The following MAP3K3 variants were observed in gnomAD, a reference collection of about 807,000 sequenced individuals.
MAP3K3 encodes the protein mitogen-activated protein kinase kinase kinase 3.
MAP3K3 carries 12 observed loss-of-function variants against 80.9 expected under a neutral mutation model. The ratio of observed to expected loss-of-function variants is 0.15; its 90% CI spans 0.10 to 0.24. The LOEUF is 0.24. Among genes scored for constraint, MAP3K3 ranks in the 10% least tolerant of loss-of-function variants. The pLI is 1.00. For synonymous variants in MAP3K3, 272 were observed against 307.1 expected, an observed-to-expected ratio of 0.89 and a Z score of 1.19; for missense variants, 596 against 834.7, an observed-to-expected ratio of 0.71 and a Z score of 3.52.
Position 63,657,897 on chromosome 17 carries a change from A to G in MAP3K3, c.371A>G (p.Asp124Gly). 1 of 1,584,520 alleles carries G rather than the reference A, an allele frequency of 6.3e-7. No individual in the cohort carries two copies. The highest frequency in any genetic ancestry group is 8.6e-7 in the Non-Finnish European group (1 of 1,156,960). The change falls in exon 5 of 16, where the codon GAC becomes GGC. Residue 124 changes from aspartate to glycine, a missense_variant. Physicochemically the swap from Asp to Gly is moderately conservative, Grantham distance 94. Coordinates refer to ENST00000361733, the MANE Select transcript of MAP3K3 (RefSeq NM_002401.5). ...KSLRILLLSQ[D>G]RNHNSSSPHS... ...CTTAGGATATTGCTGTTGTCCCAGGACAGAAACCATGTAAGTAGCCCTTGT... is the reference window on the plus strand; with the variant it reads ...CTTAGGATATTGCTGTTGTCCCAGGGCAGAAACCATGTAAGTAGCCCTTGT...
At chr17:63,656,711 C>G (rs1598087648) in intron 4 of MAP3K3, among the ~76,000 whole-genome samples, 1 of 152,164 alleles carries the variant, frequency 6.6e-6, no homozygotes, top group Non-Finnish European at 1.5e-5. Flanking sequence ...ATAACATGCT[C>G]TGCTTTTTGC....
At chr17:63,639,992 T>C (rs2034408453) in intron 2 of MAP3K3, among the ~76,000 whole-genome samples, 2 of 152,180 alleles carry the variant, frequency 1.3e-5, no homozygotes, top group African/African-American at 4.8e-5. Flanking sequence ...CAGAGTCTTA[T>C]ACCGGAGGTC....
intron 4 of MAP3K3, among the ~76,000 whole-genome samples, chr17:63,654,244 C>T (rs756062923): frequency 1.3e-4 from 20 of 151,990 alleles, no homozygotes; most frequent in Non-Finnish European, 2.1e-4. Flanking sequence ...CTCTTCTCAG[C>T]TCTTGGTAAG....
intron 7 of MAP3K3, among the ~76,000 whole-genome samples, chr17:63,683,988 C>G (rs2035394778): frequency 6.6e-6 from 1 of 151,474 alleles, no homozygotes. Flanking sequence ...AAAACCCTGT[C>G]TCTACAAAAA....
rs2035621096 is a variant in MAP3K3 at position 63,692,846 on chromosome 17, G to A, written c.1652+427G>A. Among the ~76,000 whole-genome samples, 1 of 152,164 alleles carries A rather than the reference G, an allele frequency of 6.6e-6. No individual in the cohort carries two copies. Among genetic ancestry groups the A allele is most frequent in the African/African-American group, 2.4e-5 (1 of 41,428 alleles). ...CTCCCCTTGGAAAGCTATTGTGGTG[G>A]GCTGAATAATGGCCCCCCCAAAGAT... is the stretch of plus-strand genomic sequence containing the variant. On this transcript the variant is annotated intron_variant, in intron 15 of 15. Coordinates refer to ENST00000361733, the MANE Select transcript of MAP3K3 (RefSeq NM_002401.5). This position sits in a 1 kb window ranked among gnomAD's most constrained non-coding sequence, Gnocchi z 4.5.
rs16421 is a variant in MAP3K3 at position 63,696,156 on chromosome 17, CTG to C, written c.*2383_*2384del. 0.23 allele frequency: 35,392 copies of C among 152,550 alleles called. 4,297 individuals carry two copies. Among genetic ancestry groups the C allele is most frequent in the Middle Eastern group, 0.34 (98 of 292 alleles). 9.4% of individuals were successfully genotyped at this position (152,550 alleles called of 1,614,324 possible). On this transcript the variant is annotated 3_prime_UTR_variant, in exon 16 of 16. Coordinates refer to ENST00000361733, the MANE Select transcript of MAP3K3 (RefSeq NM_002401.5). ...CCTTCCACCCACCCCAGCTCTATGT[CTG>C]TGTCTGAATTGTGGATCGTGCAGCC...
rs553768817 is a variant in MAP3K3, at chr17:63,666,488, A to G, written c.382-452A>G. On this transcript the variant is annotated intron_variant, in intron 5 of 15. Transcript: ENST00000361733. ...GTATCAATCAATCAGTCAATAAGAT[A>G]AATACATATATAGCAACCAGAATTT... Among the ~76,000 whole-genome samples, 5 of 152,268 alleles carry G rather than the reference A, an allele frequency of 3.3e-5. No individual in the cohort carries two copies. In the East Asian group the frequency reaches 9.6e-4, roughly 29 times the overall value.
At chr17:63,673,635 G>A (rs369939128) in intron 6 of MAP3K3, among the ~76,000 whole-genome samples, 1 of 152,142 alleles carries the variant, frequency 6.6e-6, no homozygotes, top group Non-Finnish European at 1.5e-5. Flanking sequence ...TGTCGGCGGG[G>A]TGCAGTGGCT....
Position 63,693,503 on chromosome 17 carries a change from G to C in MAP3K3, c.1653-46G>C, listed in dbSNP as rs1442386943. 6.5e-7 allele frequency: 1 copy of C among 1,529,594 alleles called. No individual in the cohort carries two copies. The highest frequency in any genetic ancestry group is 8.9e-7 in the Non-Finnish European group (1 of 1,119,886). The allele number at this position is 1,529,594 out of a possible 1,614,324, so 94.8% of individuals were successfully genotyped here. A position where few individuals can be genotyped will look rare whatever the true frequency, so the allele number is the denominator to read the frequency against. ...CTGCAGTGGTGGGCAGGACAGCTGG[G>C]AGTCCAGGGCTGGCTGAGGGGTGAC... On this transcript the variant is annotated intron_variant, in intron 15 of 15. Transcript: ENST00000361733. This position sits in a 1 kb window ranked among gnomAD's most constrained non-coding sequence, Gnocchi z 4.2.
chr17:63,665,595 T>A (rs2034985009), intron 5 of MAP3K3, among the ~76,000 whole-genome samples: 1 of 152,216 alleles, frequency 6.6e-6, no homozygotes, highest in African/African-American at 2.4e-5. Flanking sequence ...AGGGTGCTCA[T>A]CATGCACCTC....
In MAP3K3 at chr17:63,690,528, A is replaced by G. The variant is rs143137302; in HGVS notation, c.1212+116A>G. On this transcript the variant is annotated intron_variant, in intron 12 of 15. Transcript: ENST00000361733. ...GTTGCTTCCTCTGTCATTCTTCCCA[A>G]ACTCCCTTTCTGTCCATCCTGGTCC... The G allele has an allele frequency of 1.2e-3, 1,376 of 1,162,378 alleles. 8 individuals are homozygous for G. The African/African-American group carries it at 0.018, about 15-fold the overall frequency. The allele number at this position is 1,162,378 out of a possible 1,614,324, so 72.0% of individuals were successfully genotyped here.
In MAP3K3 at chr17:63,695,291, CCTTGTA is replaced by C. The variant is rs2035669601; in HGVS notation, c.*1520_*1525del. 1 of 152,578 alleles carries C rather than the reference CCTTGTA, an allele frequency of 6.6e-6. No homozygotes were observed. The highest frequency in any genetic ancestry group is 2.4e-5 in the African/African-American group (1 of 41,422). 9.5% of individuals were successfully genotyped at this position (152,578 alleles called of 1,614,324 possible). ...CCTTTTCACATCATGTAATGTGAGG[CCTTGTA>C]CTTGTTAATTTATATCTCAGATCAT... is the stretch of plus-strand genomic sequence containing the variant. On this transcript the variant is annotated 3_prime_UTR_variant, in exon 16 of 16. Transcript: ENST00000361733. The surrounding 1 kb of genome is among the most constrained non-coding windows in gnomAD (Gnocchi z 4.1).
intron 3 of MAP3K3, among the ~76,000 whole-genome samples, chr17:63,651,516 A>G (rs1346571276): frequency 6.6e-6 from 1 of 152,102 alleles, no homozygotes; most frequent in East Asian, 1.9e-4. Flanking sequence ...TTATTATGGA[A>G]ATTTCAAGCA....
At chr17:63,675,077 A>G (rs1331808189) in intron 6 of MAP3K3, among the ~76,000 whole-genome samples, 4 of 152,120 alleles carry the variant, frequency 2.6e-5, no homozygotes, top group African/African-American at 7.2e-5. Context: ...TATAAGTTCT[A>G]TGATGCTACA....
Position 63,691,018 on chromosome 17 carries a change from C to T in MAP3K3, c.1213-84C>T, listed in dbSNP as rs756214321. ...TTCCCAAGGCAGATCCCTGTGAGGC[C>T]ACTAACTAGGGCAAGCTGAGCTGAA... On this transcript the variant is annotated intron_variant, in intron 12 of 15. Transcript: ENST00000361733. The surrounding 1 kb of genome is among the most constrained non-coding windows in gnomAD (Gnocchi z 4.8). The T allele has an allele frequency of 3.2e-6, 5 of 1,552,106 alleles. No homozygotes were observed. In the South Asian group the frequency reaches 5.7e-5, roughly 18 times the overall value.
intron 2 of MAP3K3, among the ~76,000 whole-genome samples, chr17:63,638,400 T>C (rs2034375210): frequency 2.0e-5 from 3 of 152,166 alleles, no homozygotes; most frequent in African/African-American, 7.2e-5. Flanking sequence ...GTCAAGTTAG[T>C]TCATAAACCT....
intron 2 of MAP3K3, among the ~76,000 whole-genome samples, chr17:63,645,384 G>T (rs924477816): frequency 6.6e-6 from 1 of 152,234 alleles, no homozygotes; most frequent in African/African-American, 2.4e-5. Context: ...TTTGGAAAAG[G>T]CTGGGAACAG....
rs747061434 is a variant in MAP3K3, at chr17:63,693,656, A to G, written c.1760A>G (p.Gln587Arg). The change falls in exon 16 of 16, where the codon CAG becomes CGG. Residue 587 changes from glutamine to arginine, a missense_variant. Coordinates refer to ENST00000361733, the MANE Select transcript of MAP3K3 (RefSeq NM_002401.5). This position sits in a 1 kb window ranked among gnomAD's most constrained non-coding sequence, Gnocchi z 4.2. ...ATTGCCACCCAGCCCACCAATCCTC[A>G]GCTGCCCTCCCACATCTCTGAACAT... is the stretch of plus-strand genomic sequence containing the variant. ...FKIATQPTNPQLPSHISEHGR... is the reference protein window; with the variant it reads ...FKIATQPTNPRLPSHISEHGR... The G allele has an allele frequency of 6.2e-7, 1 of 1,609,810 alleles. No homozygotes were observed. Among genetic ancestry groups the G allele is most frequent in the South Asian group, 1.1e-5 (1 of 90,804 alleles).
At chr17:63,643,376 G>A (rs1275813528) in intron 2 of MAP3K3, among the ~76,000 whole-genome samples, 2 of 151,924 alleles carry the variant, frequency 1.3e-5, no homozygotes, top group Non-Finnish European at 1.5e-5. Context: ...GGCGACATGT[G>A]CCTGTTTGTA....
Sources: allele counts gnomAD v4.1 joint callset (sites outside exome capture counted in the v4.1 genomes callset), GRCh38; gene constraint gnomAD v4.1.1; non-coding constraint Gnocchi (gnomAD v3.1); transcripts MANE v1.5; gene names NCBI Gene and HGNC (gene_info 2026-07-23, HGNC 2026-07-21).